SCEL: variants seen among roughly 807,000 people sequenced by gnomAD.
The protein encoded by SCEL is sciellin.
SCEL carries 113 observed loss-of-function variants against 117.6 expected under a neutral mutation model. The observed-to-expected ratio is 0.96, with a 90% CI of 0.83 to 1.12. The LOEUF (loss-of-function observed/expected upper bound fraction) is 1.12. SCEL is among the 50% of genes most tolerant of loss of function. The pLI, the probability that SCEL is intolerant of heterozygous loss-of-function variation, is 0.00. For missense variants in SCEL, 785 were observed against 810.8 expected, an observed-to-expected ratio of 0.97 and a Z score of 0.39; for synonymous variants, 270 against 256.2, an observed-to-expected ratio of 1.05 and a Z score of -0.51.
rs774555098 is a variant in SCEL, at chr13:77,613,932, C to A, written c.1428C>A (p.Pro476=). The change falls in exon 24 of 33, where the codon CCC becomes CCA. Residue 476 remains proline (P), a synonymous_variant. Transcript: ENST00000349847. ...TTGATGAACATATTAATGTCAGCCC[C>A]AAAGCTGTCAAAAACACTGATGGGT... ...QGLDEHINVS[P]KAVKNTDGKQ... is the part of the protein sequence containing the mutation. 6.2e-7 allele frequency: 1 copy of A among 1,613,274 alleles called. No individual in the cohort carries two copies. Among genetic ancestry groups the A allele is most frequent in the South Asian group, 1.1e-5 (1 of 90,990 alleles).
At chr13:77,613,777 A>G (rs1397944906) in intron 23 of SCEL, 116 bp from the exon 24 acceptor site, 1 of 794,450 alleles carries the variant, frequency 1.3e-6, no homozygotes, top group Non-Finnish European at 2.1e-6. Flanking sequence ...TATAAATTGG[A>G]AACTCAGTAA....
intron 9 of SCEL, among the ~76,000 whole-genome samples, chr13:77,577,908 C>A (rs1469920079): frequency 6.6e-6 from 1 of 152,232 alleles, no homozygotes; most frequent in Admixed American, 6.5e-5. Flanking sequence ...TCCAGCCCCC[C>A]AGTTCCTGTT....
In SCEL at chr13:77,592,630, C is replaced by G. The variant is rs543816704; in HGVS notation, c.693-884C>G. ...CTGGAGTGCAGCAGAGAACTTATAG[C>G]TCACTGCAGCCTCAAACTCCTGGGC... On this transcript the variant is annotated intron_variant, in intron 11 of 32. Transcript: ENST00000349847. Among the ~76,000 whole-genome samples the G allele has an allele frequency of 2.5e-4, 37 of 148,342 alleles. 1 individual carries two copies. The South Asian group carries it at 7.9e-3, about 32-fold the overall frequency.
At chr13:77,576,329 G>C (rs538576518) in intron 9 of SCEL, among the ~76,000 whole-genome samples, 93 of 151,744 alleles carry the variant, frequency 6.1e-4, no homozygotes, top group African/African-American at 2.1e-3. Context: ...AACACACTCT[G>C]CTGGATTTTC....
At chr13:77,565,382 C>T (rs1287554282) in intron 5 of SCEL, among the ~76,000 whole-genome samples, 1 of 152,088 alleles carries the variant, frequency 6.6e-6, no homozygotes, top group Non-Finnish European at 1.5e-5. Context: ...GATTCAGAAC[C>T]ACCAATATAG....
intron 9 of SCEL, among the ~76,000 whole-genome samples, chr13:77,576,146 A>G (rs1408279023): frequency 6.6e-6 from 1 of 151,972 alleles, no homozygotes; most frequent in Admixed American, 6.6e-5. Flanking sequence ...GATGCTTTTC[A>G]TCTCCATTTT....
At chr13:77,542,158 A>G (rs2083736720) in intron 1 of SCEL, among the ~76,000 whole-genome samples, 1 of 152,166 alleles carries the variant, frequency 6.6e-6, no homozygotes, top group Non-Finnish European at 1.5e-5. Flanking sequence ...ATTAAAAACC[A>G]GAATCAGGCC....
At chr13:77,537,589 G>A (rs544992131) in intron 1 of SCEL, among the ~76,000 whole-genome samples, 13 of 152,254 alleles carry the variant, frequency 8.5e-5, no homozygotes, top group African/African-American at 3.1e-4. Flanking sequence ...TTCATCTCAG[G>A]AGCCAGTAGC....
At chr13:77,625,585 C>T (rs901303114) in intron 27 of SCEL, among the ~76,000 whole-genome samples, 1 of 152,014 alleles carries the variant, frequency 6.6e-6, no homozygotes, top group African/African-American at 2.4e-5. Context: ...AGTAATTTAC[C>T]CTAATTTCTA....
At chr13:77,580,057 C>T (rs962974294) in intron 9 of SCEL, among the ~76,000 whole-genome samples, 1 of 152,190 alleles carries the variant, frequency 6.6e-6, no homozygotes, top group Admixed American at 6.5e-5. Flanking sequence ...ATGTAAGACA[C>T]TGTGTGCAGA....
intron 29 of SCEL, among the ~76,000 whole-genome samples, chr13:77,636,278 C>A (rs1011969182): frequency 2.0e-5 from 3 of 152,182 alleles, no homozygotes; most frequent in African/African-American, 7.2e-5. Flanking sequence ...GGAATCATGA[C>A]ATGCATCCTC....
At position 77,537,471 on chromosome 13, in the gene SCEL, C is replaced by T. The variant is rs1860254085; in HGVS notation, c.-20+1647C>T. ...CATCACAGACTGTGGTTACCCAGCA[C>T]ATGTGGAAATATTATAGTGTGTATG... On this transcript the variant is annotated intron_variant, in intron 1 of 32. Coordinates refer to ENST00000349847, the MANE Select transcript of SCEL (RefSeq NM_144777.3). 2.0e-5 allele frequency among the ~76,000 whole-genome samples: 3 copies of T among 152,208 alleles called. No homozygotes were observed. The South Asian group carries it at 6.2e-4, about 32-fold the overall frequency.
At chr13:77,573,091 A>G (rs922247512) in intron 9 of SCEL, among the ~76,000 whole-genome samples, 12 of 152,244 alleles carry the variant, frequency 7.9e-5, no homozygotes, top group African/African-American at 2.7e-4. Context: ...ATGATAGATC[A>G]GGTAGAGGAC....
chr13:77,554,451 A>G (rs1056317695), intron 1 of SCEL, among the ~76,000 whole-genome samples: 1 of 152,184 alleles, frequency 6.6e-6, no homozygotes, highest in African/African-American at 2.4e-5. Flanking sequence ...TTCCAGAAAC[A>G]GACCCCAAGG....
intron 28 of SCEL, among the ~76,000 whole-genome samples, chr13:77,631,294 TATTGTC>T (rs1164290921): frequency 6.6e-6 from 1 of 152,244 alleles, no homozygotes; most frequent in Non-Finnish European, 1.5e-5. Context: ...TCTTACAACT[TATTGTC>T]AATGAAGATA....
At chr13:77,614,930 G>A (rs1367624108) in intron 24 of SCEL, among the ~76,000 whole-genome samples, 2 of 152,070 alleles carry the variant, frequency 1.3e-5, no homozygotes, top group Non-Finnish European at 2.9e-5. Flanking sequence ...AGAGAATTCA[G>A]TAGACATAGT....
chr13:77,539,235 TAATA>T (rs1463562177), intron 1 of SCEL, among the ~76,000 whole-genome samples: 6 of 151,294 alleles, frequency 4.0e-5, no homozygotes, highest in African/African-American at 1.4e-4. Flanking sequence ...GATGAATAAT[TAATA>T]GACATATAAA....
At position 77,591,460 on chromosome 13, in the gene SCEL, G is replaced by C; in HGVS notation, c.692G>C (p.Arg231Thr). The C allele has an allele frequency of 6.6e-7, 1 of 1,521,460 alleles. No homozygotes were observed. The highest frequency in any genetic ancestry group is 9.1e-7 in the Non-Finnish European group (1 of 1,098,494). 94.2% of individuals were successfully genotyped at this position (1,521,460 alleles called of 1,614,324 possible). The change falls in exon 11 of 33, where the codon AGG becomes ACG. Residue 231 changes from arginine (R) to threonine (T), a missense_variant and splice_region_variant. Transcript: ENST00000349847. Reference protein sequence around the residue: ...ETNRSAERNIRSQDLDNIVKV... With the variant: ...ETNRSAERNITSQDLDNIVKV... Reference sequence around the variant, plus strand: ...AACAGATCTGCTGAAAGAAATATAAGGTACACTGATTTCTATTTATATCTA... The same window carrying C: ...AACAGATCTGCTGAAAGAAATATAACGTACACTGATTTCTATTTATATCTA...
At chr13:77,537,046 G>A (rs2083451409) in intron 1 of SCEL, among the ~76,000 whole-genome samples, 1 of 152,206 alleles carries the variant, frequency 6.6e-6, no homozygotes, top group Non-Finnish European at 1.5e-5. Flanking sequence ...TATATGTGGT[G>A]CTCCAGTGTT....
Sources: allele counts gnomAD v4.1 joint callset (sites outside exome capture counted in the v4.1 genomes callset), GRCh38; gene constraint gnomAD v4.1.1; transcripts MANE v1.5; gene names NCBI Gene and HGNC (gene_info 2026-07-23, HGNC 2026-07-21).